Variants in NRG3 observed in about 807,000 individuals in gnomAD.
NRG3 encodes the protein neuregulin 3, also known as pro-neuregulin-3, membrane-bound isoform.
NRG3 carries 31 observed loss-of-function variants against 66.9 expected under a neutral mutation model. The ratio of observed to expected loss-of-function variants is 0.46; its 90% CI spans 0.35 to 0.63. The LOEUF is 0.63. Among genes scored for constraint, NRG3 ranks in the 20% least tolerant of loss-of-function variants. The pLI is 0.00. For synonymous variants in NRG3, 393 were observed against 359.4 expected (o/e 1.09, Z -1.06); for missense variants, 910 against 878.9 (o/e 1.04, Z -0.45).
At chr10:82,908,411 G>A (rs1163144068) in intron 4 of NRG3, among the ~76,000 whole-genome samples, 1 of 152,150 alleles carries the variant, frequency 6.6e-6, no homozygotes, top group African/African-American at 2.4e-5. Flanking sequence ...AGTACACCTT[G>A]ACCTGAGCAG....
intron 2 of NRG3, among the ~76,000 whole-genome samples, chr10:82,479,987 AAAAC>A (rs1475182492): frequency 5.9e-5 from 9 of 152,256 alleles, no homozygotes; most frequent in Admixed American, 5.2e-4. Context: ...AACAAAAACA[AAAAC>A]AAACAAAAAA....
At chr10:82,504,379 TC>T (rs1223678279) in intron 2 of NRG3, among the ~76,000 whole-genome samples, 1 of 152,198 alleles carries the variant, frequency 6.6e-6, no homozygotes, top group Non-Finnish European at 1.5e-5. Flanking sequence ...GCATTTTTTT[TC>T]CTGGGTATTA....
At chr10:82,261,012 C>T (rs2077997784) in intron 1 of NRG3, among the ~76,000 whole-genome samples, 1 of 152,092 alleles carries the variant, frequency 6.6e-6, no homozygotes, top group African/African-American at 2.4e-5. Flanking sequence ...ATACCATCCC[C>T]TTGGTGATGA....
chr10:82,918,766 CA>C (rs1846126581), intron 4 of NRG3, among the ~76,000 whole-genome samples: 1 of 152,156 alleles, frequency 6.6e-6, no homozygotes, highest in Non-Finnish European at 1.5e-5. Context: ...CCCATGATTA[CA>C]GTAGTTTGAT....
Position 82,865,817 on chromosome 10 carries a change from A to G in NRG3, c.1054+380A>G, listed in dbSNP as rs536720229. 2.0e-5 allele frequency among the ~76,000 whole-genome samples: 3 copies of G among 152,306 alleles called. No individual in the cohort carries two copies. The East Asian group carries it at 5.8e-4, about 29-fold the overall frequency. ...CATGGCAAACACTCAATAAAGGATA[A>G]AAAGCAATGGTTTTTAAATGTCAGT... On this transcript the variant is annotated intron_variant, in intron 4 of 8. Transcript: ENST00000372141.
intron 1 of NRG3, among the ~76,000 whole-genome samples, chr10:82,144,029 T>TAAAA (rs558793877): frequency 9.3e-6 from 1 of 107,156 alleles, no homozygotes; most frequent in African/African-American, 3.5e-5. Flanking sequence ...GACTTTGTCT[T>TAAAA]AAAAAAAAAA....
intron 1 of NRG3, among the ~76,000 whole-genome samples, chr10:82,015,433 C>T (rs1404214871): frequency 6.6e-6 from 1 of 152,046 alleles, no homozygotes; most frequent in African/African-American, 2.4e-5. Context: ...GGCTTTGTGT[C>T]CCCACCCAAA....
At chr10:82,074,795 T>A (rs1181511712) in intron 1 of NRG3, among the ~76,000 whole-genome samples, 1 of 152,200 alleles carries the variant, frequency 6.6e-6, no homozygotes, top group African/African-American at 2.4e-5. Context: ...TGCAATCCTG[T>A]CATTGTACTT....
At chr10:82,671,792 G>A (rs1302945287) in intron 2 of NRG3, among the ~76,000 whole-genome samples, 1 of 152,226 alleles carries the variant, frequency 6.6e-6, no homozygotes. Flanking sequence ...AATGTCACAT[G>A]TGTGATTCCT....
intron 4 of NRG3, among the ~76,000 whole-genome samples, chr10:82,872,164 T>C (rs185036484): frequency 6.4e-4 from 97 of 152,302 alleles, no homozygotes; most frequent in African/African-American, 2.3e-3. Flanking sequence ...TCTATTGATA[T>C]GATCGTGTGA....
chr10:82,457,678 T>C (rs2091332502), intron 2 of NRG3, among the ~76,000 whole-genome samples: 1 of 152,166 alleles, frequency 6.6e-6, no homozygotes, highest in Non-Finnish European at 1.5e-5. Flanking sequence ...TATTCTCCAA[T>C]GTGTTCATTT....
At chr10:82,668,456 C>T (rs2134015470) in intron 2 of NRG3, among the ~76,000 whole-genome samples, 1 of 152,286 alleles carries the variant, frequency 6.6e-6, no homozygotes, top group Non-Finnish European at 1.5e-5. Flanking sequence ...TGAGTCAAGC[C>T]TGCATATTCC....
intron 1 of NRG3, among the ~76,000 whole-genome samples, chr10:82,178,395 C>T (rs530512202): frequency 6.6e-6 from 1 of 152,196 alleles, no homozygotes; most frequent in South Asian, 2.1e-4. Context: ...GCCCTTTGCC[C>T]AGGCCTGGGA....
chr10:82,049,679 A>T (rs2063496224), intron 1 of NRG3, among the ~76,000 whole-genome samples: 2 of 152,008 alleles, frequency 1.3e-5, no homozygotes, highest in Admixed American at 6.6e-5. Context: ...CATGTTTTTC[A>T]AAAGAGAGGG....
intron 1 of NRG3, among the ~76,000 whole-genome samples, chr10:82,093,727 T>C (rs2066167070): frequency 6.6e-6 from 1 of 152,196 alleles, no homozygotes; most frequent in Non-Finnish European, 1.5e-5. Flanking sequence ...AGCTTTAGGC[T>C]TTATATTTCA....
chr10:82,143,260 A>C (rs2069958307), intron 1 of NRG3, among the ~76,000 whole-genome samples: 1 of 152,140 alleles, frequency 6.6e-6, no homozygotes, highest in African/African-American at 2.4e-5. Flanking sequence ...CAGGGGGCGG[A>C]GACTAAATGC....
intron 2 of NRG3, among the ~76,000 whole-genome samples, chr10:82,666,618 G>A (rs927323250): frequency 6.6e-6 from 1 of 152,098 alleles, no homozygotes; most frequent in Non-Finnish European, 1.5e-5. Context: ...TTTTCTGGAC[G>A]AATGTTGAAT....
At chr10:82,637,642 G>T (rs1017676919) in intron 2 of NRG3, among the ~76,000 whole-genome samples, 4 of 152,144 alleles carry the variant, frequency 2.6e-5, no homozygotes, top group Non-Finnish European at 5.9e-5. Context: ...CAACTGTCTT[G>T]TAGTCTTCAA....
chr10:81,967,946 CCTT>C (rs1354527206), intron 1 of NRG3, among the ~76,000 whole-genome samples: 3 of 152,130 alleles, frequency 2.0e-5, no homozygotes, highest in Admixed American at 2.0e-4. Context: ...TGGCAGCACT[CCTT>C]CTTTATTATA....
Sources: allele counts gnomAD v4.1 joint callset (sites outside exome capture counted in the v4.1 genomes callset), GRCh38; gene constraint gnomAD v4.1.1; transcripts MANE v1.5; gene names NCBI Gene and HGNC (gene_info 2026-07-23, HGNC 2026-07-21).